JAK2: variants seen among roughly 807,000 people sequenced by gnomAD.
JAK2 encodes tyrosine-protein kinase JAK2.
A neutral mutation model predicts 139.3 loss-of-function variants in JAK2; 86 were observed. The observed-to-expected ratio is 0.62, with a 90% CI of 0.52 to 0.74. JAK2 has a LOEUF of 0.74. Among genes scored for constraint, JAK2 ranks in the 30% least tolerant of loss-of-function variants. The probability of loss-of-function intolerance (pLI) is 0.00; values close to 1 mark genes in which losing one functional copy is unlikely to be tolerated. For missense variants in JAK2, 1,421 were observed against 1,360.3 expected (o/e 1.04, Z -0.70); for synonymous variants, 490 against 437.7 (o/e 1.12, Z -1.49).
intron 2 of JAK2, among the ~76,000 whole-genome samples, chr9:5,016,379 G>A (rs972031075): frequency 6.6e-6 from 1 of 152,088 alleles, no homozygotes; most frequent in African/African-American, 2.4e-5. Flanking sequence ...AGATGAGGAG[G>A]GACACCACAG....
intron 3 of JAK2, among the ~76,000 whole-genome samples, chr9:5,023,827 T>C (rs1056206307): frequency 1.3e-5 from 2 of 151,348 alleles, no homozygotes. Context: ...AAAGTCTGTA[T>C]TTTTTGTTGT....
intron 14 of JAK2, among the ~76,000 whole-genome samples, chr9:5,077,085 G>T (rs1021156535): frequency 2.0e-5 from 3 of 151,794 alleles, no homozygotes; most frequent in South Asian, 2.1e-4. Flanking sequence ...GTGTGTAGAA[G>T]AACTTCAGGA....
chr9:5,072,128 C>T (rs1320141395), intron 12 of JAK2, among the ~76,000 whole-genome samples: 1 of 152,148 alleles, frequency 6.6e-6, no homozygotes, highest in East Asian at 1.9e-4. Flanking sequence ...GATATTCTGC[C>T]TCTGCAGACC....
chr9:5,128,169 T>C lies in JAK2; in HGVS notation c.*1378T>C. On this transcript the variant is annotated 3_prime_UTR_variant, in exon 25 of 25. Coordinates refer to ENST00000381652, the MANE Select transcript of JAK2 (RefSeq NM_004972.4). ...CTTGCTGTTTTGATTAAAAAGAAAA[T>C]AGTTTCTTACTTTATTTTTACTGGT... The C allele has an allele frequency of 4.3e-6, 1 of 231,962 alleles. No homozygotes were observed. The allele number at this position is 231,962 out of a possible 1,614,324, so 14.4% of individuals were successfully genotyped here. A position where few individuals can be genotyped will look rare whatever the true frequency, so the allele number is the denominator to read the frequency against.
intron 8 of JAK2, among the ~76,000 whole-genome samples, chr9:5,064,571 T>C (rs1818438067): frequency 6.6e-6 from 1 of 151,768 alleles, no homozygotes; most frequent in African/African-American, 2.4e-5. Context: ...ATTTCTAATG[T>C]CAACTTTTAT....
intron 20 of JAK2, 126 bp downstream of exon 20, chr9:5,089,989 T>G (rs1009390268): frequency 7.9e-6 from 4 of 508,854 alleles, no homozygotes; most frequent in Non-Finnish European, 1.3e-5. Context: ...CATTCTATAA[T>G]GACTAGAGAT....
intron 22 of JAK2, chr9:5,110,732 C>A (rs184515096): frequency 2.8e-6 from 1 of 362,142 alleles, no homozygotes; most frequent in East Asian, 6.8e-5. Flanking sequence ...GGCTATAGTA[C>A]CCGTGTTATT....
At chr9:5,125,740 G>GATT (rs1393873899) in intron 23 of JAK2, among the ~76,000 whole-genome samples, 20 of 151,470 alleles carry the variant, frequency 1.3e-4, no homozygotes, top group East Asian at 1.9e-4. Flanking sequence ...TTCTTAATGT[G>GATT]GTTGACTATA....
chr9:5,067,003 A>G (rs377171155), intron 10 of JAK2, among the ~76,000 whole-genome samples: 1 of 152,190 alleles, frequency 6.6e-6, no homozygotes, highest in South Asian at 2.1e-4. Flanking sequence ...TATAATGTCT[A>G]TCTTTTTATT....
intron 22 of JAK2, among the ~76,000 whole-genome samples, chr9:5,096,190 A>C (rs141599743): frequency 6.6e-6 from 1 of 152,098 alleles, no homozygotes; most frequent in Non-Finnish European, 1.5e-5. Context: ...CACAAAACCC[A>C]TATTACTCCT....
chr9:5,018,985 C>G (rs999131179), intron 2 of JAK2, among the ~76,000 whole-genome samples: 3 of 152,124 alleles, frequency 2.0e-5, no homozygotes, highest in Admixed American at 2.0e-4. Flanking sequence ...CAACAGTTCT[C>G]TCTTTGTCTT....
At chr9:5,041,563 C>G (rs994850759) in intron 4 of JAK2, 2 of 521,332 alleles carry the variant, frequency 3.8e-6, no homozygotes, top group Non-Finnish European at 7.7e-6. Flanking sequence ...GAGATGGCTA[C>G]GTACCTGCAC....
intron 2 of JAK2, among the ~76,000 whole-genome samples, chr9:5,007,153 T>A (rs557938450): frequency 1.0e-3 from 157 of 152,268 alleles, no homozygotes; most frequent in African/African-American, 3.6e-3. Flanking sequence ...ATTTTTATGG[T>A]TTTTGGCTTA....
At chr9:5,112,522 CAGA>C (rs1353940544) in intron 22 of JAK2, 11 of 583,328 alleles carry the variant, frequency 1.9e-5, no homozygotes, top group Non-Finnish European at 1.8e-5. Context: ...CCCCCCAGAG[CAGA>C]AGGCCGAGTG....
intron 3 of JAK2, among the ~76,000 whole-genome samples, chr9:5,023,028 C>T (rs913751401): frequency 6.6e-6 from 1 of 152,156 alleles, no homozygotes; most frequent in Non-Finnish European, 1.5e-5. Flanking sequence ...ATTTCAAGTT[C>T]CTTCTAGCTA....
intron 4 of JAK2, among the ~76,000 whole-genome samples, chr9:5,042,655 A>G (rs1247501877): frequency 6.6e-6 from 1 of 151,514 alleles, no homozygotes; most frequent in East Asian, 2.0e-4. Context: ...TCCCTCATCC[A>G]AAGGCCGTTT....
At chr9:4,996,999 C>G (rs1820608342) in intron 2 of JAK2, among the ~76,000 whole-genome samples, 1 of 145,674 alleles carries the variant, frequency 6.9e-6, no homozygotes, top group Non-Finnish European at 1.5e-5. Context: ...TCGATCACGG[C>G]TCACTGCAGC....
rs751795916 is a variant in JAK2, at chr9:5,069,039, A to G, written c.1344A>G (p.Glu448=). 1 of 1,593,248 alleles carries G rather than the reference A, an allele frequency of 6.3e-7. No homozygotes were observed. The highest frequency in any genetic ancestry group is 1.1e-5 in the South Asian group (1 of 88,166). Residue 448 remains glutamate, a synonymous_variant, in exon 11 of 25, where the codon GAA becomes GAG. Transcript: ENST00000381652. ...TFAVERENVI[E]YKHCLITKNE... ...TTATACAGCGAGAAAATGTCATTGA[A>G]TATAAACACTGTTTGATTACAAAAA...
intron 4 of JAK2, among the ~76,000 whole-genome samples, chr9:5,035,933 G>T (rs1312424171): frequency 6.6e-6 from 1 of 152,208 alleles, no homozygotes; most frequent in Non-Finnish European, 1.5e-5. Flanking sequence ...AAAAGAGGAA[G>T]TCAAATTGTC....
Sources: allele counts gnomAD v4.1 joint callset (sites outside exome capture counted in the v4.1 genomes callset), GRCh38; gene constraint gnomAD v4.1.1; transcripts MANE v1.5; gene names NCBI Gene and HGNC (gene_info 2026-07-23, HGNC 2026-07-21).